The following ANKIB1 variants were observed in gnomAD, a reference collection of about 807,000 sequenced individuals.
The protein encoded by ANKIB1 is ankyrin repeat and IBR domain-containing protein 1.
In ANKIB1, 43 loss-of-function variants were observed where a neutral mutation model predicts 122.1. The ratio of observed to expected loss-of-function variants is 0.35; its 90% confidence interval spans 0.28 to 0.45. The LOEUF (loss-of-function observed/expected upper bound fraction) is 0.45. Ranked by LOEUF, ANKIB1 falls within the 20% of genes least tolerant of loss-of-function variation. The pLI is 1.00. For missense variants in ANKIB1, 992 were observed against 1,329.5 expected (o/e 0.75, Z 3.95); for synonymous variants, 390 against 442.0 (o/e 0.88, Z 1.48).
rs1458233948 is a variant in ANKIB1, at chr7:92,368,120, C to T, written c.1487-3357C>T. 2.0e-5 allele frequency among the ~76,000 whole-genome samples: 3 copies of T among 152,124 alleles called. No homozygotes were observed. The East Asian group carries it at 5.8e-4, about 29-fold the overall frequency. ...ACAGTGAGCTATGATTGCACCACTG[C>T]ATTCCAGTCTGGATAATAGAGTGAA... On this transcript the variant is annotated intron_variant, in intron 10 of 19. Coordinates refer to ENST00000265742, the MANE Select transcript of ANKIB1 (RefSeq NM_019004.2).
chr7:92,288,462 CA>C (rs1364481200), intron 1 of ANKIB1, among the ~76,000 whole-genome samples: 1 of 152,114 alleles, frequency 6.6e-6, no homozygotes, highest in Non-Finnish European at 1.5e-5. Flanking sequence ...GAGAGACACA[CA>C]GAAAAATAGA....
At chr7:92,338,943 T>A (rs1180460703) in intron 5 of ANKIB1, among the ~76,000 whole-genome samples, 730 of 67,106 alleles carry the variant, frequency 0.011, 5 homozygotes, top group East Asian at 0.019. Flanking sequence ...AATATATATA[T>A]ATATATATAT....
chr7:92,353,296 A>G (rs1803704687), intron 9 of ANKIB1, among the ~76,000 whole-genome samples: 1 of 152,202 alleles, frequency 6.6e-6, no homozygotes, highest in African/African-American at 2.4e-5. Flanking sequence ...CTTAGTTTCT[A>G]GTGCCTGATA....
chr7:92,372,897 T>G (rs1217066115), intron 11 of ANKIB1, among the ~76,000 whole-genome samples: 5 of 152,118 alleles, frequency 3.3e-5, no homozygotes, highest in Non-Finnish European at 7.4e-5. Context: ...TATTTTTTTT[T>G]CTAGTTTAGG....
chr7:92,340,918 G>A lies in ANKIB1; in HGVS notation c.788-2106G>A, dbSNP rs576114253. Among the ~76,000 whole-genome samples, 16 of 152,268 alleles carry A rather than the reference G, an allele frequency of 1.1e-4. No homozygotes were observed. In the South Asian group the frequency reaches 2.1e-3, roughly 20 times the overall value. On this transcript the variant is annotated intron_variant, in intron 5 of 19. Coordinates refer to ENST00000265742, the MANE Select transcript of ANKIB1 (RefSeq NM_019004.2). The stretch of plus-strand genomic sequence containing the variant: ...GAAGAAAATGCAAATTAAAATAACA[G>A]TGAACTATAAGTTTATAAATGTTTA...
chr7:92,268,816 A>T (rs772945082), intron 1 of ANKIB1, among the ~76,000 whole-genome samples: 2 of 152,150 alleles, frequency 1.3e-5, no homozygotes, highest in Non-Finnish European at 2.9e-5. Context: ...TAACACTACC[A>T]CAATGGACTA....
intron 10 of ANKIB1, among the ~76,000 whole-genome samples, chr7:92,362,854 A>G (rs1383234749): frequency 6.6e-6 from 1 of 152,194 alleles, no homozygotes; most frequent in Non-Finnish European, 1.5e-5. Flanking sequence ...ATTGGGTTGA[A>G]TGACACAGGG....
At chr7:92,268,023 A>C (rs1329124110) in intron 1 of ANKIB1, among the ~76,000 whole-genome samples, 1 of 152,206 alleles carries the variant, frequency 6.6e-6, no homozygotes. Flanking sequence ...AACGAGTTCA[A>C]GTACAGATTG....
At chr7:92,288,636 G>C (rs1411087336) in intron 1 of ANKIB1, among the ~76,000 whole-genome samples, 1 of 152,066 alleles carries the variant, frequency 6.6e-6, no homozygotes, top group Non-Finnish European at 1.5e-5. Context: ...TCTAACAAAG[G>C]ACTTTTTATA....
Position 92,371,619 on chromosome 7 carries a change from A to G in ANKIB1, c.1617+12A>G. 6.3e-7 allele frequency: 1 copy of G among 1,591,856 alleles called. No homozygotes were observed. The highest frequency in any genetic ancestry group is 1.3e-5 in the African/African-American group (1 of 74,664). On this transcript the variant is annotated intron_variant, in intron 11 of 19. Transcript: ENST00000265742. The stretch of plus-strand genomic sequence containing the variant: ...TGCAGTGTGCTAAGGTAAGAAGTTA[A>G]AGAGGATTTTGCATGCTTTGCATTT...
At chr7:92,313,581 G>GTAAAA (rs1208277411) in intron 3 of ANKIB1, among the ~76,000 whole-genome samples, 1 of 152,150 alleles carries the variant, frequency 6.6e-6, no homozygotes, top group Non-Finnish European at 1.5e-5. Flanking sequence ...TACAGGTATT[G>GTAAAA]AAGAGATAAT....
chr7:92,349,191 C>A (rs1487810555), intron 7 of ANKIB1, among the ~76,000 whole-genome samples: 1 of 152,064 alleles, frequency 6.6e-6, no homozygotes, highest in African/African-American at 2.4e-5. Flanking sequence ...CCAGAGCTGG[C>A]CAGAGGATTT....
intron 1 of ANKIB1, among the ~76,000 whole-genome samples, chr7:92,267,703 A>G (rs1196433453): frequency 6.6e-6 from 1 of 152,170 alleles, no homozygotes; most frequent in Non-Finnish European, 1.5e-5. Flanking sequence ...GTAGAGTTCA[A>G]GATTATTTTT....
intron 10 of ANKIB1, among the ~76,000 whole-genome samples, chr7:92,370,219 G>A (rs1804205170): frequency 1.3e-5 from 2 of 152,018 alleles, no homozygotes; most frequent in South Asian, 2.1e-4. Context: ...GAAAAGTTGG[G>A]TAATGGGGGC....
chr7:92,366,851 ACT>A (rs1053258751), intron 10 of ANKIB1, among the ~76,000 whole-genome samples: 2 of 151,852 alleles, frequency 1.3e-5, no homozygotes, highest in African/African-American at 4.8e-5. Context: ...ATGCAGAAAA[ACT>A]CTTTAAAGCA....
At chr7:92,343,777 T>G (rs1048423496) in intron 6 of ANKIB1, among the ~76,000 whole-genome samples, 2 of 152,192 alleles carry the variant, frequency 1.3e-5, no homozygotes, top group African/African-American at 4.8e-5. Flanking sequence ...TGAAAGGTAA[T>G]TTTTAAGCAT....
rs1156998720 is a variant in ANKIB1 at position 92,390,008 on chromosome 7, T to C, written c.1944T>C (p.Asp648=). The change falls in exon 15 of 20, where the codon GAT becomes GAC. Residue 648 remains aspartate, a synonymous_variant. Transcript: ENST00000265742. ...GGCPDTTFIE[D]AVHVLLKTRR... is the part of the protein sequence containing the mutation. ...GTCCAGATACCACTTTCATTGAAGA[T>C]GCAGTTCATGTGCTCTTAAAAACTC... is the stretch of plus-strand genomic sequence containing the variant. 1.2e-6 allele frequency: 2 copies of C among 1,603,696 alleles called. No individual in the cohort carries two copies. The highest frequency in any genetic ancestry group is 1.7e-5 in the Admixed American group (1 of 58,152).
intron 17 of ANKIB1, 52 bp from the exon 18 acceptor site, chr7:92,396,313 C>G (rs1277865326): frequency 3.0e-6 from 3 of 997,730 alleles, no homozygotes; most frequent in Non-Finnish European, 4.6e-6. Context: ...GTTTTATTTG[C>G]ATTTTAAAAA....
chr7:92,388,372 G>A (rs1259512152), intron 14 of ANKIB1, among the ~76,000 whole-genome samples: 1 of 152,238 alleles, frequency 6.6e-6, no homozygotes, highest in African/African-American at 2.4e-5. Flanking sequence ...GACTTAGTCA[G>A]AGGAGCAAGA....
Sources: gnomAD v4.1 joint callset for allele counts (sites outside exome capture counted in the v4.1 genomes callset) on GRCh38, gnomAD v4.1.1 for gene constraint, MANE v1.5 for transcripts, NCBI Gene and HGNC (gene_info 2026-07-23, HGNC 2026-07-21) for gene names.